Variants in RNLS observed in about 807,000 individuals in gnomAD.
RNLS encodes renalase.
RNLS carries 39 observed loss-of-function variants against 39.8 expected under a neutral mutation model. That is an observed-to-expected ratio of 0.98 (90% CI 0.76 to 1.28). The LOEUF is 1.28. RNLS is among the 50% of genes most tolerant of loss of function. RNLS has a pLI of 0.00. For synonymous variants in RNLS, 147 were observed against 150.7 expected (o/e 0.98, Z 0.18); for missense variants, 410 against 413.3 (o/e 0.99, Z 0.07).
chr10:88,573,244 T>A (rs894517301), intron 3 of RNLS, among the ~76,000 whole-genome samples, 183 bp from the exon 4 acceptor site: 2 of 152,216 alleles, frequency 1.3e-5, no homozygotes, highest in East Asian at 3.8e-4. Flanking sequence ...CTACCTGGCA[T>A]CCTTGGACTT....
chr10:88,519,946 A>G (rs562115516), intron 4 of RNLS, among the ~76,000 whole-genome samples: 1 of 151,958 alleles, frequency 6.6e-6, no homozygotes, highest in Admixed American at 6.6e-5. Context: ...CATTGTGCCC[A>G]TGTCTTATGG....
chr10:88,208,903 G>T, the RNLS span, among the ~76,000 whole-genome samples: 1 of 152,034 alleles, frequency 6.6e-6, no homozygotes, highest in Non-Finnish European at 1.5e-5. Flanking sequence ...GCAAGCATAG[G>T]CATGCATGAA....
chr10:88,348,192 C>T (rs1012875051), intron 5 of RNLS, among the ~76,000 whole-genome samples: 27 of 152,110 alleles, frequency 1.8e-4, no homozygotes, highest in African/African-American at 6.0e-4. Context: ...GCAGCAGAGA[C>T]GGTGGCCTCT....
the RNLS span, among the ~76,000 whole-genome samples, chr10:88,183,882 T>C: frequency 6.6e-6 from 1 of 152,172 alleles, no homozygotes; most frequent in Non-Finnish European, 1.5e-5. Flanking sequence ...ATGGCGATAC[T>C]GAGACTTTTG....
chr10:88,374,175 G>A (rs1334123623), intron 4 of RNLS, among the ~76,000 whole-genome samples: 1 of 152,004 alleles, frequency 6.6e-6, no homozygotes, highest in Admixed American at 6.6e-5. Context: ...ATTGTTAAAA[G>A]GAGATTCAGC....
chr10:88,291,063 G>A (rs978299423), intron 6 of RNLS, among the ~76,000 whole-genome samples: 6 of 152,156 alleles, frequency 3.9e-5, no homozygotes, highest in Non-Finnish European at 8.8e-5. Flanking sequence ...ACTACATCTT[G>A]ACTATCTCCT....
intron 3 of RNLS, among the ~76,000 whole-genome samples, chr10:88,574,424 G>T (rs1850032785): frequency 6.6e-6 from 1 of 152,180 alleles, no homozygotes; most frequent in Non-Finnish European, 1.5e-5. Context: ...CTCCAGCTCA[G>T]TGTGATCCTT....
chr10:88,429,908 C>A (rs115631766), intron 4 of RNLS, among the ~76,000 whole-genome samples: 1,713 of 151,842 alleles, frequency 0.011, 14 homozygotes, highest in Middle Eastern at 0.051. Flanking sequence ...TATGCCAATA[C>A]CATATAGCTT....
intron 4 of RNLS, among the ~76,000 whole-genome samples, chr10:88,510,887 T>C (rs963349436): frequency 6.6e-6 from 1 of 150,952 alleles, no homozygotes; most frequent in Non-Finnish European, 1.5e-5. Flanking sequence ...CTTTATGTTC[T>C]TTATTTTATA....
chr10:88,396,956 A>G (rs1852600331), intron 4 of RNLS, among the ~76,000 whole-genome samples: 1 of 151,974 alleles, frequency 6.6e-6, no homozygotes, highest in Middle Eastern at 3.2e-3. Flanking sequence ...ATGTGCACCA[A>G]ACAACAGGGT....
chr10:88,521,365 G>A (rs1219968403), intron 4 of RNLS, among the ~76,000 whole-genome samples: 1 of 152,024 alleles, frequency 6.6e-6, no homozygotes, highest in Non-Finnish European at 1.5e-5. Context: ...ACTCTGTTTC[G>A]TTCACAGGTT....
At chr10:88,276,055 A>G (rs1425613182) in intron 6 of RNLS, among the ~76,000 whole-genome samples, 4 of 152,176 alleles carry the variant, frequency 2.6e-5, no homozygotes, top group African/African-American at 9.7e-5. Flanking sequence ...CACTGTCTCT[A>G]AAAATAACAA....
intron 4 of RNLS, among the ~76,000 whole-genome samples, chr10:88,369,662 G>C (rs149061823): frequency 6.6e-6 from 1 of 152,164 alleles, no homozygotes; most frequent in East Asian, 1.9e-4. Flanking sequence ...CGTGCCCACT[G>C]TTTTGTAAAT....
intron 4 of RNLS, among the ~76,000 whole-genome samples, chr10:88,439,624 T>C (rs1329686145): frequency 6.6e-6 from 1 of 152,208 alleles, no homozygotes; most frequent in African/African-American, 2.4e-5. Flanking sequence ...TGTAGAATCA[T>C]GACACGCTGG....
At chr10:88,217,852 C>T in the RNLS span, among the ~76,000 whole-genome samples, 2 of 151,714 alleles carry the variant, frequency 1.3e-5, no homozygotes, top group Non-Finnish European at 2.9e-5. Context: ...CTAGCCTGGC[C>T]AACATGGTGA....
intron 5 of RNLS, among the ~76,000 whole-genome samples, chr10:88,348,998 T>C (rs558635192): frequency 6.6e-6 from 1 of 152,270 alleles, no homozygotes; most frequent in East Asian, 1.9e-4. Flanking sequence ...TCCTTCAGAA[T>C]TTCTCATTTG....
intron 4 of RNLS, among the ~76,000 whole-genome samples, chr10:88,554,978 C>T (rs1848787470): frequency 6.6e-6 from 1 of 152,126 alleles, no homozygotes; most frequent in Non-Finnish European, 1.5e-5. Context: ...GTGCCATTCT[C>T]AATAGGAGTG....
At chr10:88,240,200 C>T in the RNLS span, among the ~76,000 whole-genome samples, 15 of 152,066 alleles carry the variant, frequency 9.9e-5, no homozygotes, top group African/African-American at 3.6e-4. Context: ...TTTTTCTTAC[C>T]TTCTGTGATT....
chr10:88,497,588 A>C (rs143348052), intron 4 of RNLS, among the ~76,000 whole-genome samples: 1 of 152,276 alleles, frequency 6.6e-6, no homozygotes, highest in East Asian at 1.9e-4. Context: ...TCTTTTAACA[A>C]CAGAGTTGTC....
Sources: gnomAD v4.1 joint callset for allele counts (sites outside exome capture counted in the v4.1 genomes callset) on GRCh38, gnomAD v4.1.1 for gene constraint, MANE v1.5 for transcripts, NCBI Gene and HGNC (gene_info 2026-07-23, HGNC 2026-07-21) for gene names.